The following BICDL1 variants were observed in gnomAD, a reference collection of about 807,000 sequenced individuals.
BICDL1 encodes BICD family-like cargo adapter 1.
Under a neutral mutation model 76.8 loss-of-function variants are expected in BICDL1, and 20 were observed. The ratio of observed to expected loss-of-function variants is 0.26; its 90% confidence interval spans 0.18 to 0.38. The LOEUF (loss-of-function observed/expected upper bound fraction) is 0.38, where lower values mean the gene tolerates loss of function less well. Ranked by LOEUF, BICDL1 falls within the 10% of genes least tolerant of loss-of-function variation. The pLI is 1.00. For synonymous variants in BICDL1, 383 were observed against 337.1 expected (o/e 1.14, Z -1.49); for missense variants, 700 against 798.6 (o/e 0.88, Z 1.49).
chr12:119,998,722 G>T lies in BICDL1; in HGVS notation c.631G>T (p.Asp211Tyr). 1.2e-6 allele frequency: 2 copies of T among 1,613,992 alleles called. No individual in the cohort carries two copies. Among genetic ancestry groups the T allele is most frequent in the Non-Finnish European group, 1.7e-6 (2 of 1,179,966 alleles). Residue 211 changes from aspartate (D) to tyrosine (Y), a missense_variant, in exon 2 of 10, where the codon GAT becomes TAT. Coordinates refer to ENST00000548673, the MANE Select transcript of BICDL1 (RefSeq NM_001367886.1). Reference protein sequence around the residue: ...ELSEQNQRLLDQLSRASEVER... With the variant: ...ELSEQNQRLLYQLSRASEVER... ...GTCGGAACAGAACCAAAGGCTATTGGATCAGCTCAGCAGGGTGAGTCACAA... is the reference window on the plus strand; with the variant it reads ...GTCGGAACAGAACCAAAGGCTATTGTATCAGCTCAGCAGGGTGAGTCACAA...
At chr12:120,052,309 TTC>T (rs201264770) in intron 2 of BICDL1, among the ~76,000 whole-genome samples, 72 of 142,522 alleles carry the variant, frequency 5.1e-4, no homozygotes, top group South Asian at 1.4e-3. Context: ...CTTCCTTCCT[TTC>T]TCTCTCTCTC....
chr12:120,017,285 C>T (rs1182185367), intron 2 of BICDL1, among the ~76,000 whole-genome samples: 3 of 152,138 alleles, frequency 2.0e-5, no homozygotes, highest in African/African-American at 2.4e-5. Flanking sequence ...ATCAAAACAG[C>T]GTGTATTAAC....
Position 120,064,763 on chromosome 12 carries a change from C to T in BICDL1, c.793C>T (p.Leu265=), listed in dbSNP as rs201143140. 906 of 1,612,936 alleles carry T rather than the reference C, an allele frequency of 5.6e-4. 8 individuals carry two copies. In the African/African-American group the frequency reaches 0.011, roughly 20 times the overall value. ...IKMLSDRKRE[L]EHRLSATLEE... is the part of the protein sequence containing the mutation. ...GATGCTGTCAGATCGGAAACGGGAG[C>T]TGGAGCATCGTCTCAGCGCTACTTT... is the stretch of plus-strand genomic sequence containing the variant. Residue 265 remains leucine, a synonymous_variant, in exon 4 of 10, where the codon CTG becomes TTG. Transcript: ENST00000548673.
rs141876582 is a variant in BICDL1, at chr12:120,054,434, C to T, written c.646-7276C>T. On this transcript the variant is annotated intron_variant, in intron 2 of 9. Coordinates refer to ENST00000548673, the MANE Select transcript of BICDL1 (RefSeq NM_001367886.1). ...TGACACAGTAAGCTTGTCCAGTCTA[C>T]TTCTACTCAGGTAAGTTTTTCTACC... Among the ~76,000 whole-genome samples the T allele has an allele frequency of 6.4e-3, 978 of 152,268 alleles. 5 individuals carry two copies. Among genetic ancestry groups the T allele is most frequent in the Non-Finnish European group, 9.4e-3 (637 of 68,034 alleles).
intron 2 of BICDL1, chr12:120,057,102 T>TG (rs1426476325): frequency 9.6e-6 from 5 of 522,628 alleles, no homozygotes; most frequent in Non-Finnish European, 1.9e-5. Flanking sequence ...TTTGATGCTG[T>TG]GGTTGTATAT....
In BICDL1 at chr12:120,003,868, G is replaced by A. The variant is rs377286290; in HGVS notation, c.645+5132G>A. 7.9e-5 allele frequency among the ~76,000 whole-genome samples: 12 copies of A among 152,208 alleles called. No homozygotes were observed. The East Asian group carries it at 1.9e-3, about 25-fold the overall frequency. On this transcript the variant is annotated intron_variant, in intron 2 of 9. Coordinates refer to ENST00000548673, the MANE Select transcript of BICDL1 (RefSeq NM_001367886.1). ...CTTTTAGCTTTTACAAAAAATTCTC[G>A]TCTCATGGGACGATTGGCCATTATT...
chr12:120,008,665 TTGC>T (rs1438099264), intron 2 of BICDL1, among the ~76,000 whole-genome samples: 1 of 152,222 alleles, frequency 6.6e-6, no homozygotes, highest in African/African-American at 2.4e-5. Context: ...TGGTTGATAT[TTGC>T]TGGGTGGTAT....
rs781079649 is a variant in BICDL1, at chr12:119,998,699, C to T, written c.608C>T (p.Ser203Leu). 6.8e-6 allele frequency: 11 copies of T among 1,613,984 alleles called. No homozygotes were observed. The highest frequency in any genetic ancestry group is 2.2e-5 in the East Asian group (1 of 44,888). ...AAATCACGGGCTGTCCAGGAACTGTCGGAACAGAACCAAAGGCTATTGGAT... is the reference window on the plus strand; with the variant it reads ...AAATCACGGGCTGTCCAGGAACTGTTGGAACAGAACCAAAGGCTATTGGAT... ...REKSRAVQEL[S>L]EQNQRLLDQL... The change falls in exon 2 of 10, where the codon TCG becomes TTG. Residue 203 changes from serine (S) to leucine (L), a missense_variant. By Grantham distance (145) the Ser-to-Leu change is moderately radical (BLOSUM62 -2). Coordinates refer to ENST00000548673, the MANE Select transcript of BICDL1 (RefSeq NM_001367886.1).
intron 8 of BICDL1, among the ~76,000 whole-genome samples, chr12:120,085,676 G>A (rs773913515): frequency 4.6e-5 from 7 of 151,736 alleles, no homozygotes; most frequent in Non-Finnish European, 1.0e-4. Flanking sequence ...TTAGCTGAGT[G>A]TGGTGGTACA....
chr12:120,050,125 G>A (rs75771002), intron 2 of BICDL1, among the ~76,000 whole-genome samples: 2,059 of 152,154 alleles, frequency 0.014, 44 homozygotes, highest in East Asian at 0.044. Context: ...GTATCTGTTC[G>A]AATGTTTTGC....
At chr12:120,092,161 CCA>C in intron 9 of BICDL1, 1 of 985,352 alleles carries the variant, frequency 1.0e-6, no homozygotes, top group Non-Finnish European at 1.2e-6. Flanking sequence ...GGAGTCTTAC[CCA>C]GAGTCAGAAT....
intron 1 of BICDL1, chr12:119,993,030 T>G (rs1391842940): frequency 2.2e-5 from 3 of 135,268 alleles, no homozygotes; most frequent in Non-Finnish European, 4.7e-5. Flanking sequence ...CTCAGCTCAC[T>G]GCAAGCTCCA....
intron 2 of BICDL1, among the ~76,000 whole-genome samples, chr12:120,042,663 C>T (rs552715389): frequency 3.2e-4 from 48 of 151,772 alleles, no homozygotes; most frequent in Admixed American, 1.0e-3. Context: ...AAATTAGCTG[C>T]GTTTGGTGGC....
intron 2 of BICDL1, among the ~76,000 whole-genome samples, chr12:120,000,933 T>A (rs146720546): frequency 2.0e-5 from 3 of 152,214 alleles, no homozygotes; most frequent in Non-Finnish European, 1.5e-5. Context: ...TAAAGCAGTG[T>A]CTTTATAATT....
chr12:120,086,494 C>A (rs1304671705), intron 8 of BICDL1, among the ~76,000 whole-genome samples: 1 of 152,106 alleles, frequency 6.6e-6, no homozygotes, highest in Non-Finnish European at 1.5e-5. Context: ...GGGGTGGGGT[C>A]AGTTGGGTGG....
chr12:120,072,759 C>G, intron 6 of BICDL1, 30 bp downstream of exon 6: 1 of 1,589,492 alleles, frequency 6.3e-7, no homozygotes, highest in South Asian at 1.1e-5. Flanking sequence ...TGGTCCTTAC[C>G]CCACAGGAGC....
At chr12:120,015,677 G>A (rs1440576039) in intron 2 of BICDL1, among the ~76,000 whole-genome samples, 1 of 152,184 alleles carries the variant, frequency 6.6e-6, no homozygotes, top group Admixed American at 6.5e-5. Flanking sequence ...AGCCAGCTAA[G>A]CATATGTTAC....
chr12:120,067,602 T>A (rs1194152838), intron 4 of BICDL1, among the ~76,000 whole-genome samples: 2 of 152,204 alleles, frequency 1.3e-5, no homozygotes, highest in Non-Finnish European at 2.9e-5. Flanking sequence ...AATCAATTGT[T>A]GACTGGAGAG....
Position 120,061,806 on chromosome 12 carries a change from C to T in BICDL1, c.742C>T (p.Leu248=). ...ATCAACCAACCAGCACATTATCCGG[C>T]TGGAGAGCCTTCAGGCCGAGGTGAG... ...NSSTNQHIIR[L]ESLQAEIKML... Residue 248 remains leucine (L), a synonymous_variant, in exon 3 of 10, where the codon CTG becomes TTG. Transcript: ENST00000548673. 1 of 1,613,948 alleles carries T rather than the reference C, an allele frequency of 6.2e-7. No homozygotes were observed. The highest frequency in any genetic ancestry group is 8.5e-7 in the Non-Finnish European group (1 of 1,179,822).
Sources: gnomAD v4.1 joint callset for allele counts (sites outside exome capture counted in the v4.1 genomes callset) on GRCh38, gnomAD v4.1.1 for gene constraint, MANE v1.5 for transcripts, NCBI Gene and HGNC (gene_info 2026-07-23, HGNC 2026-07-21) for gene names.